Variants in ERMP1 observed in about 807,000 individuals in gnomAD.
ERMP1 encodes the protein endoplasmic reticulum metallopeptidase 1, also known as Felix-ina.
ERMP1 carries 86 observed loss-of-function variants against 92.0 expected under a neutral mutation model. The ratio of observed to expected loss-of-function variants is 0.93; its 90% confidence interval spans 0.79 to 1.12. The LOEUF (loss-of-function observed/expected upper bound fraction) is 1.12. Ranked by LOEUF, ERMP1 falls within the 50% of genes most tolerant of loss-of-function variation. The probability of loss-of-function intolerance (pLI) is 0.00; values close to 1 mark genes in which losing one functional copy is unlikely to be tolerated. For synonymous variants in ERMP1, 530 were observed against 412.8 expected (o/e 1.28, Z -3.44); for missense variants, 1,342 against 1,116.3 (o/e 1.20, Z -2.88).
rs1156240883 is a variant in ERMP1 at position 5,784,834 on chromosome 9, C to G, written c.*2310G>C. ...GAACTATTTTGAAATCAATTCCTCA[C>G]ACTTTTTCCCTGAATATGCAGTACT... On this transcript the variant is annotated 3_prime_UTR_variant, in exon 15 of 15. Coordinates refer to ENST00000339450, the MANE Select transcript of ERMP1 (RefSeq NM_024896.3). 1.3e-5 allele frequency: 2 copies of G among 152,598 alleles called. No homozygotes were observed. Among genetic ancestry groups the G allele is most frequent in the Non-Finnish European group, 2.9e-5 (2 of 68,034 alleles). The allele number at this position is 152,598 out of a possible 1,614,324, so 9.5% of individuals were successfully genotyped here.
rs753597086 is a variant in ERMP1 at position 5,784,663 on chromosome 9, C to T, written c.*2481G>A. The T allele has an allele frequency of 1.3e-5, 2 of 152,666 alleles. No homozygotes were observed. Among genetic ancestry groups the T allele is most frequent in the East Asian group, 1.9e-4 (1 of 5,202 alleles). 9.5% of individuals were successfully genotyped at this position (152,666 alleles called of 1,614,324 possible). On this transcript the variant is annotated 3_prime_UTR_variant, in exon 15 of 15. Coordinates refer to ENST00000339450, the MANE Select transcript of ERMP1 (RefSeq NM_024896.3). The stretch of plus-strand genomic sequence containing the variant: ...AGTGACAAGAAATTGACAAACACTC[C>T]TTCTACAGCTTCCTGAGACAGCAGG...
chr9:5,850,427 A>AAAAAAAAAAG (rs142972934), intron 6 of ERMP1, among the ~76,000 whole-genome samples: 11 of 144,534 alleles, frequency 7.6e-5, no homozygotes, highest in Non-Finnish European at 1.4e-4. Flanking sequence ...AAAAAAAAAA[A>AAAAAAAAAAG]AAGAAGAAGA....
At position 5,811,179 on chromosome 9, in the gene ERMP1, A is replaced by C; in HGVS notation, c.1259T>G (p.Ile420Arg). The change falls in exon 7 of 15, where the codon ATA (isoleucine) becomes AGA (arginine). Residue 420 changes from isoleucine (I) to arginine (R), a missense_variant. By Grantham distance (97) the Ile-to-Arg change is moderately conservative (BLOSUM62 -3). Coordinates refer to ENST00000339450, the MANE Select transcript of ERMP1 (RefSeq NM_024896.3). ...IAYPSRIGSI[I>R]NYMVVMGVVL... is the part of the protein sequence containing the mutation. Reference sequence around the variant, plus strand: ...AACACCCATTACCACCATGTAGTTTATGATTGAGCCAATACGAGAGGGGTA... The same window carrying C: ...AACACCCATTACCACCATGTAGTTTCTGATTGAGCCAATACGAGAGGGGTA... The C allele has an allele frequency of 3.1e-6, 5 of 1,614,124 alleles. No individual in the cohort carries two copies. Among genetic ancestry groups the C allele is most frequent in the Non-Finnish European group, 4.2e-6 (5 of 1,179,992 alleles).
At chr9:5,818,710 C>G (rs1829414431) in intron 4 of ERMP1, among the ~76,000 whole-genome samples, 1 of 149,374 alleles carries the variant, frequency 6.7e-6, no homozygotes, top group Non-Finnish European at 1.5e-5. Context: ...AAGATCCTAT[C>G]TCAAAAAAAA....
intron 2 of ERMP1, 78 bp downstream of exon 2, chr9:5,830,649 G>A: frequency 8.5e-7 from 1 of 1,170,532 alleles, no homozygotes; most frequent in Non-Finnish European, 1.2e-6. Flanking sequence ...CCCCACAATT[G>A]CCCAAGTAGC....
chr9:5,856,128 C>A, intron 6 of ERMP1: 1 of 342,382 alleles, frequency 2.9e-6, no homozygotes, highest in African/African-American at 2.2e-5. Context: ...ATCACTAAAT[C>A]CACTTCATAT....
At position 5,801,262 on chromosome 9, in the gene ERMP1, T is replaced by G. The variant is rs753294459; in HGVS notation, c.1981A>C (p.Ile661Leu). The change falls in exon 11 of 15, where the codon ATT (isoleucine) becomes CTT (leucine). Residue 661 changes from isoleucine (I) to leucine (L), a missense_variant. Ile to Leu is a conservative substitution (Grantham distance 5). Coordinates refer to ENST00000339450, the MANE Select transcript of ERMP1 (RefSeq NM_024896.3). ...TMLTLTLVCA[I>L]TFLLVCSGTF... ...CCACTGCAAACAAGGAGGAATGTAATTGCACATACCAAAGTTAAAGTTAGC... is the reference window on the plus strand; with the variant it reads ...CCACTGCAAACAAGGAGGAATGTAAGTGCACATACCAAAGTTAAAGTTAGC... The G allele has an allele frequency of 1.9e-6, 3 of 1,613,812 alleles. No individual in the cohort carries two copies. Among genetic ancestry groups the G allele is most frequent in the East Asian group, 2.2e-5 (1 of 44,858 alleles).
At chr9:5,842,482 T>C (rs1423422393) in intron 6 of ERMP1, among the ~76,000 whole-genome samples, 2 of 151,408 alleles carry the variant, frequency 1.3e-5, no homozygotes, top group African/African-American at 4.9e-5. Context: ...AAAGAAAATG[T>C]TTTGGAACTA....
intron 8 of ERMP1, among the ~76,000 whole-genome samples, chr9:5,809,055 G>A (rs1196818434): frequency 6.6e-6 from 1 of 150,482 alleles, no homozygotes; most frequent in Non-Finnish European, 1.5e-5. Flanking sequence ...ACAGAATCTC[G>A]CTGTCGCCCC....
At chr9:5,820,960 T>C (rs768765257) in intron 4 of ERMP1, among the ~76,000 whole-genome samples, 7 of 152,196 alleles carry the variant, frequency 4.6e-5, no homozygotes, top group Non-Finnish European at 7.3e-5. Context: ...CAGAAAGCTT[T>C]CAGGTATGGA....
chr9:5,833,115 C>T lies in ERMP1; in HGVS notation c.-88G>A. 1 of 1,200,630 alleles carries T rather than the reference C, an allele frequency of 8.3e-7. No homozygotes were observed. The highest frequency in any genetic ancestry group is 1.1e-6 in the Non-Finnish European group (1 of 912,044). The allele number at this position is 1,200,630 out of a possible 1,614,324, so 74.4% of individuals were successfully genotyped here. On this transcript the variant is annotated 5_prime_UTR_variant, in exon 1 of 15. Transcript: ENST00000339450. Reference sequence around the variant, plus strand: ...CGCCGCCGTCGCTGCCGCAGCGCCTCCTAGTGAGCGGACGGAAACTGCAGA... The same window carrying T: ...CGCCGCCGTCGCTGCCGCAGCGCCTTCTAGTGAGCGGACGGAAACTGCAGA...
At chr9:5,843,978 A>C (rs1397967007) in intron 6 of ERMP1, among the ~76,000 whole-genome samples, 1 of 151,644 alleles carries the variant, frequency 6.6e-6, no homozygotes, top group African/African-American at 2.4e-5. Context: ...GCACTCCTCC[A>C]CCCCCTGGCC....
chr9:5,847,852 A>G (rs1830258331), intron 6 of ERMP1, among the ~76,000 whole-genome samples: 1 of 151,522 alleles, frequency 6.6e-6, no homozygotes, highest in Non-Finnish European at 1.5e-5. Flanking sequence ...TCGAGATGGC[A>G]CCGCTGTACT....
rs536623190 is a variant in ERMP1, at chr9:5,854,816, C to T, written n.3199+4652G>A. 2.6e-5 allele frequency among the ~76,000 whole-genome samples: 4 copies of T among 152,266 alleles called. No homozygotes were observed. In the East Asian group the frequency reaches 5.8e-4, roughly 22 times the overall value. ...TGCTGGGATTACAGGTGTGAGCCAC[C>T]ACACCCGGCCTGGTCTTATTACTTC... On this transcript the variant is annotated intron_variant and non_coding_transcript_variant, in intron 6 of 6. Transcript: ENST00000690753.
intron 8 of ERMP1, among the ~76,000 whole-genome samples, chr9:5,807,150 C>G (rs1397699156): frequency 1.3e-5 from 2 of 152,204 alleles, no homozygotes; most frequent in African/African-American, 4.8e-5. Flanking sequence ...TTCCTCCTCA[C>G]CTCTATTCAT....
At chr9:5,859,569 G>T (rs1326624536) in exon 6 of ERMP1, among the ~76,000 whole-genome samples, 9 of 152,210 alleles carry the variant, frequency 5.9e-5, no homozygotes, top group Non-Finnish European at 1.3e-4. Context: ...GTTCCGAGGC[G>T]AAGTTCAGGG....
chr9:5,812,276 C>A (rs1377666080), intron 5 of ERMP1, 59 bp from the exon 6 acceptor site: 2 of 972,832 alleles, frequency 2.1e-6, no homozygotes, highest in African/African-American at 1.6e-5. Context: ...ACCTTGCTTT[C>A]GACCTATTTC....
At chr9:5,815,910 TATC>T (rs1380239060) in intron 4 of ERMP1, among the ~76,000 whole-genome samples, 3 of 152,166 alleles carry the variant, frequency 2.0e-5, no homozygotes, top group Non-Finnish European at 2.9e-5. Flanking sequence ...TACGAGATCT[TATC>T]ATATTAAAAT....
intron 10 of ERMP1, among the ~76,000 whole-genome samples, chr9:5,801,913 T>C (rs1259813594): frequency 2.6e-5 from 4 of 152,128 alleles, no homozygotes; most frequent in African/African-American, 9.7e-5. Context: ...AGGCAGTAAA[T>C]GTAAATGACT....
Sources: gnomAD v4.1 joint callset for allele counts (sites outside exome capture counted in the v4.1 genomes callset) on GRCh38, gnomAD v4.1.1 for gene constraint, MANE v1.5 for transcripts, NCBI Gene and HGNC (gene_info 2026-07-23, HGNC 2026-07-21) for gene names.